SH3TC2: variants seen among roughly 807,000 people sequenced by gnomAD.
The protein encoded by SH3TC2 is SH3 domain and tetratricopeptide repeats 2, also known as SH3 domain and tetratricopeptide repeat-containing protein 2.
A neutral mutation model predicts 124.5 loss-of-function variants in SH3TC2; 87 were observed. The ratio of observed to expected loss-of-function variants is 0.70; its 90% confidence interval spans 0.59 to 0.84. The LOEUF is 0.84. SH3TC2 is among the 40% of genes least tolerant of loss of function. SH3TC2 has a pLI of 0.00. For synonymous variants in SH3TC2, 634 were observed against 628.5 expected, an observed-to-expected ratio of 1.01 and a Z score of -0.13; for missense variants, 1,536 against 1,566.4, an observed-to-expected ratio of 0.98 and a Z score of 0.33.
chr5:149,054,367 C>T (rs1236411945), intron 1 of SH3TC2, among the ~76,000 whole-genome samples: 1 of 151,948 alleles, frequency 6.6e-6, no homozygotes, highest in African/African-American at 2.4e-5. Flanking sequence ...CTTTATTTTA[C>T]CTATGAATCA....
chr5:149,059,049 A>C (rs982928546), intron 1 of SH3TC2, among the ~76,000 whole-genome samples: 1 of 152,182 alleles, frequency 6.6e-6, no homozygotes, highest in Admixed American at 6.5e-5. Context: ...TTTTTAAACA[A>C]GAAAAGAGAA....
chr5:149,048,951 G>C (rs548588884), intron 2 of SH3TC2, among the ~76,000 whole-genome samples: 1 of 152,196 alleles, frequency 6.6e-6, no homozygotes, highest in East Asian at 1.9e-4. Flanking sequence ...CTGAGAAGGC[G>C]TTGGAATGGA....
At chr5:149,012,828 A>T in intron 12 of SH3TC2, 94 bp from the exon 13 acceptor site, 1 of 1,420,820 alleles carries the variant, frequency 7.0e-7, no homozygotes, top group Non-Finnish European at 9.8e-7. Context: ...GAGCAGGAAC[A>T]GCCATGTCCC....
chr5:149,016,101 A>G (rs1303373601), intron 12 of SH3TC2, among the ~76,000 whole-genome samples: 2 of 152,240 alleles, frequency 1.3e-5, no homozygotes, highest in Non-Finnish European at 2.9e-5. Flanking sequence ...TCTATTGAGC[A>G]CTTAGTATGT....
intron 8 of SH3TC2, among the ~76,000 whole-genome samples, chr5:149,032,190 C>T (rs537337929): frequency 2.0e-4 from 30 of 152,278 alleles, no homozygotes; most frequent in African/African-American, 7.2e-4. Flanking sequence ...AGGAATCTTT[C>T]ACCATTGTTA....
At chr5:149,010,019 G>A (rs1753757263) in intron 14 of SH3TC2, among the ~76,000 whole-genome samples, 1 of 152,064 alleles carries the variant, frequency 6.6e-6, no homozygotes, top group Non-Finnish European at 1.5e-5. Context: ...TGATCTCCTG[G>A]ACTCAATTAT....
chr5:149,006,080 G>A (rs1753683821), intron 16 of SH3TC2: 1 of 152,496 alleles, frequency 6.6e-6, no homozygotes, highest in Non-Finnish European at 1.5e-5. Context: ...GCAACATGAT[G>A]AAACCCCATC....
At chr5:149,009,157 C>T (rs1171951728) in intron 14 of SH3TC2, among the ~76,000 whole-genome samples, 156 bp from the exon 15 acceptor site, 1 of 152,142 alleles carries the variant, frequency 6.6e-6, no homozygotes, top group Non-Finnish European at 1.5e-5. Flanking sequence ...TTTACTCAAC[C>T]CTCTCTCTCC....
At chr5:149,008,827 C>T (rs1753734596) in intron 15 of SH3TC2, 24 bp downstream of exon 15, 1 of 1,613,608 alleles carries the variant, frequency 6.2e-7, no homozygotes, top group South Asian at 1.1e-5. Flanking sequence ...TCATTCAACA[C>T]ACCCAATAGT....
At chr5:149,056,967 T>C (rs1754659215) in intron 1 of SH3TC2, among the ~76,000 whole-genome samples, 2 of 152,216 alleles carry the variant, frequency 1.3e-5, no homozygotes, top group Admixed American at 6.5e-5. Flanking sequence ...ATGGTAGTTA[T>C]TGCTGAGTCA....
At chr5:149,010,150 AAG>A in intron 14 of SH3TC2, 118 bp downstream of exon 14, 6 of 1,423,696 alleles carry the variant, frequency 4.2e-6, no homozygotes, top group Non-Finnish European at 5.9e-6. Flanking sequence ...CTGGACAAGA[AAG>A]AGAGAAAAAT....
chr5:149,059,761 T>C (rs565747104), intron 1 of SH3TC2, among the ~76,000 whole-genome samples: 2 of 152,162 alleles, frequency 1.3e-5, no homozygotes, highest in African/African-American at 2.4e-5. Context: ...CACATAACCA[T>C]TGAATTCATG....
chr5:149,022,049 T>C (rs1220619768), intron 12 of SH3TC2, among the ~76,000 whole-genome samples: 3 of 151,848 alleles, frequency 2.0e-5, no homozygotes, highest in Non-Finnish European at 2.9e-5. Flanking sequence ...TTTCAAGAAA[T>C]TGAAGAGGAA....
intron 12 of SH3TC2, among the ~76,000 whole-genome samples, chr5:149,018,730 C>G (rs938309939): frequency 2.0e-5 from 3 of 152,302 alleles, no homozygotes; most frequent in South Asian, 2.1e-4. Flanking sequence ...CAGCTGATCA[C>G]CAAAACCTGT....
At position 149,028,248 on chromosome 5, in the gene SH3TC2, G is replaced by T; in HGVS notation, c.1484C>A (p.Thr495Asn). The part of the protein sequence containing the change: ...SLYDFSFSFL[T>N]SSFYSFSEED... The stretch of plus-strand genomic sequence containing the variant: ...CTCAGAGAAGCTATAAAAGGAAGAA[G>T]TGAGGAAAGAGAAGGAGAAGTCATA... The change falls in exon 11 of 17, where the codon ACT becomes AAT. Residue 495 changes from threonine to asparagine, a missense_variant. Physicochemically the swap from Thr to Asn is moderately conservative, Grantham distance 65. Coordinates refer to ENST00000515425, the MANE Select transcript of SH3TC2 (RefSeq NM_024577.4). 1 of 1,614,040 alleles carries T rather than the reference G, an allele frequency of 6.2e-7. No individual in the cohort carries two copies. The highest frequency in any genetic ancestry group is 8.5e-7 in the Non-Finnish European group (1 of 1,180,046).
rs1183264743 is a variant in SH3TC2 at position 148,985,986 on chromosome 5, A to T, written c.*18725T>A. Among the ~76,000 whole-genome samples, 1 of 152,226 alleles carries T rather than the reference A, an allele frequency of 6.6e-6. No homozygotes were observed. The highest frequency in any genetic ancestry group is 1.5e-5 in the Non-Finnish European group (1 of 68,028). ...TTTTCTGACATGAGACTTACAGAGT[A>T]TCATCTCTAGGGTGATTTTTGAAAA... On this transcript the variant is annotated 3_prime_UTR_variant, in exon 17 of 17. Transcript: ENST00000515425.
chr5:149,038,171 T>A, intron 8 of SH3TC2, 124 bp downstream of exon 8: 1 of 808,944 alleles, frequency 1.2e-6, no homozygotes, highest in Non-Finnish European at 2.1e-6. Flanking sequence ...GGTGTCAGCA[T>A]GTGCTTTTCT....
chr5:149,021,091 C>T (rs1011164820), intron 12 of SH3TC2, among the ~76,000 whole-genome samples: 2 of 151,984 alleles, frequency 1.3e-5, no homozygotes, highest in African/African-American at 2.4e-5. Flanking sequence ...AGTTTGTTTT[C>T]CCACCACAAA....
intron 8 of SH3TC2, among the ~76,000 whole-genome samples, chr5:149,036,253 A>G (rs1190585809): frequency 6.6e-6 from 1 of 152,000 alleles, no homozygotes; most frequent in Non-Finnish European, 1.5e-5. Context: ...TGACTCCACA[A>G]CTCTGTAAGC....
Sources: allele counts gnomAD v4.1 joint callset (sites outside exome capture counted in the v4.1 genomes callset), GRCh38; gene constraint gnomAD v4.1.1; transcripts MANE v1.5; gene names NCBI Gene and HGNC (gene_info 2026-07-23, HGNC 2026-07-21).